The following SOX6 variants were observed in gnomAD, a reference collection of about 807,000 sequenced individuals.
SOX6 encodes transcription factor SOX-6.
SOX6 carries 11 observed loss-of-function variants against 97.8 expected under a neutral mutation model. That is an observed-to-expected ratio of 0.11 (90% CI 0.07 to 0.19). SOX6 has a LOEUF of 0.19. Among genes scored for constraint, SOX6 ranks in the 10% least tolerant of loss-of-function variants. The pLI, the probability that SOX6 is intolerant of heterozygous loss-of-function variation, is 1.00. For missense variants in SOX6, 810 were observed against 1,039.5 expected, an observed-to-expected ratio of 0.78 and a Z score of 3.04; for synonymous variants, 360 against 371.4, an observed-to-expected ratio of 0.97 and a Z score of 0.35.
At chr11:16,285,427 G>A (rs555961927) in intron 3 of SOX6, among the ~76,000 whole-genome samples, 59 of 152,120 alleles carry the variant, frequency 3.9e-4, no homozygotes, top group Middle Eastern at 3.4e-3. Flanking sequence ...CCAGCTAGTC[G>A]GGAGGCTGAA....
At chr11:16,533,311 A>G (rs1861261549) in intron 4 of SOX6, among the ~76,000 whole-genome samples, 1 of 151,950 alleles carries the variant, frequency 6.6e-6, no homozygotes, top group South Asian at 2.1e-4. Flanking sequence ...GCTGGGTAAG[A>G]TGATAGGTGA....
At chr11:16,447,261 GCAC>G in intron 1 of SOX6, among the ~76,000 whole-genome samples, 1 of 152,070 alleles carries the variant, frequency 6.6e-6, no homozygotes, top group Non-Finnish European at 1.5e-5. Context: ...TAGGAAAAGA[GCAC>G]AGTCATTGAA....
At chr11:16,274,432 T>C (rs940509971) in intron 3 of SOX6, among the ~76,000 whole-genome samples, 4 of 152,172 alleles carry the variant, frequency 2.6e-5, no homozygotes, top group African/African-American at 9.6e-5. Context: ...TATCTAATAT[T>C]AATGATGTTA....
intron 3 of SOX6, chr11:16,315,564 T>C (rs892553254): frequency 3.3e-5 from 5 of 152,280 alleles, no homozygotes; most frequent in Admixed American, 1.3e-4. Context: ...AAAATGACAA[T>C]AGAGATTGCT....
intron 4 of SOX6, among the ~76,000 whole-genome samples, chr11:16,538,524 C>T (rs529581303): frequency 6.6e-6 from 1 of 152,218 alleles, no homozygotes; most frequent in East Asian, 1.9e-4. Flanking sequence ...AAAAGACAGA[C>T]TGGCAAACTG....
chr11:16,378,608 A>G (rs1330097628), intron 1 of SOX6, among the ~76,000 whole-genome samples: 1 of 152,210 alleles, frequency 6.6e-6, no homozygotes, highest in African/African-American at 2.4e-5. Flanking sequence ...CATATCACAC[A>G]ACAAAATAAA....
intron 12 of SOX6, among the ~76,000 whole-genome samples, chr11:16,044,069 T>C (rs964999793): frequency 1.3e-5 from 2 of 152,138 alleles, no homozygotes; most frequent in African/African-American, 4.8e-5. Flanking sequence ...TTAAAACTTG[T>C]TTATTTTTTA....
chr11:16,044,416 C>T (rs1855766150), intron 12 of SOX6, among the ~76,000 whole-genome samples: 1 of 152,124 alleles, frequency 6.6e-6, no homozygotes, highest in Non-Finnish European at 1.5e-5. Context: ...GAGAGTTAAA[C>T]TGAATTTGTC....
chr11:16,031,375 T>C (rs994240981), intron 12 of SOX6: 1 of 152,196 alleles, frequency 6.6e-6, no homozygotes, highest in African/African-American at 2.4e-5. Context: ...TTTAAATAAA[T>C]GACATCAGCA....
intron 3 of SOX6, chr11:16,270,062 T>TA (rs1854206034): frequency 6.6e-6 from 1 of 151,342 alleles, no homozygotes; most frequent in African/African-American, 2.4e-5. Context: ...AACTAGAGTA[T>TA]TTTGTCCTGT....
chr11:16,709,867 C>T (rs1335912956), intron 3 of SOX6, among the ~76,000 whole-genome samples: 1 of 152,090 alleles, frequency 6.6e-6, no homozygotes, highest in Admixed American at 6.5e-5. Context: ...AAGAATGCAC[C>T]TTCCAAAGAA....
rs534788734 is a variant in SOX6 at position 16,281,602 on chromosome 11, A to G, written c.445+36844T>C. On this transcript the variant is annotated intron_variant, in intron 3 of 15. Transcript: ENST00000683767. ...TTGTTGATTCTTAGTAATCAATAACATACGTATTTAATAGACCCTATGGTG... is the reference window on the plus strand; with the variant it reads ...TTGTTGATTCTTAGTAATCAATAACGTACGTATTTAATAGACCCTATGGTG... Among the ~76,000 whole-genome samples the G allele has an allele frequency of 2.0e-5, 3 of 152,164 alleles. No homozygotes were observed. In the South Asian group the frequency reaches 6.2e-4, roughly 32 times the overall value.
chr11:16,709,524 A>G (rs1743871037), intron 3 of SOX6, among the ~76,000 whole-genome samples: 1 of 151,408 alleles, frequency 6.6e-6, no homozygotes, highest in South Asian at 2.1e-4. Flanking sequence ...TCTCAAAAAA[A>G]AAAGAAGTGT....
At chr11:16,698,917 A>AT (rs1276792290) in intron 3 of SOX6, among the ~76,000 whole-genome samples, 1 of 152,254 alleles carries the variant, frequency 6.6e-6, no homozygotes, top group Non-Finnish European at 1.5e-5. Context: ...TGTAAGAGAT[A>AT]TAACAATAAT....
At chr11:16,494,307 C>T (rs1320729640) in intron 4 of SOX6, among the ~76,000 whole-genome samples, 1 of 152,050 alleles carries the variant, frequency 6.6e-6, no homozygotes, top group Non-Finnish European at 1.5e-5. Context: ...ATCCAGAAGG[C>T]GGACGTTGCA....
At chr11:16,174,915 T>G (rs1170719018) in intron 6 of SOX6, among the ~76,000 whole-genome samples, 2 of 151,884 alleles carry the variant, frequency 1.3e-5, no homozygotes, top group Non-Finnish European at 2.9e-5. Context: ...TTGACTCTGT[T>G]TTTTGAAAAT....
intron 6 of SOX6, among the ~76,000 whole-genome samples, chr11:16,127,629 T>C (rs964507632): frequency 6.6e-6 from 1 of 152,168 alleles, no homozygotes; most frequent in Non-Finnish European, 1.5e-5. Context: ...CATTATTCCC[T>C]AAAATCTTAT....
intron 15 of SOX6, among the ~76,000 whole-genome samples, chr11:15,973,824 G>T (rs1234428424): frequency 6.6e-6 from 1 of 152,088 alleles, no homozygotes; most frequent in South Asian, 2.1e-4. Flanking sequence ...CAGATACGCT[G>T]CCTCACCCTA....
chr11:16,186,223 T>G (rs184770233), intron 5 of SOX6, among the ~76,000 whole-genome samples: 6 of 152,310 alleles, frequency 3.9e-5, no homozygotes, highest in Admixed American at 1.3e-4. Context: ...ATAGTGACCA[T>G]GTGATGTATC....
Sources: allele counts gnomAD v4.1 joint callset (sites outside exome capture counted in the v4.1 genomes callset), GRCh38; gene constraint gnomAD v4.1.1; transcripts MANE v1.5; gene names NCBI Gene and HGNC (gene_info 2026-07-23, HGNC 2026-07-21).